TRIO: variants seen among roughly 807,000 people sequenced by gnomAD.
TRIO encodes the protein triple functional domain protein.
TRIO carries 58 observed loss-of-function variants against 351.9 expected under a neutral mutation model. That is an observed-to-expected ratio of 0.16 (90% CI 0.13 to 0.21). The LOEUF is 0.21. TRIO is among the 10% of genes least tolerant of loss of function. The pLI is 1.00. For missense variants in TRIO, 3,201 were observed against 4,027.8 expected (o/e 0.79, Z 5.56); for synonymous variants, 1,758 against 1,595.7 (o/e 1.10, Z -2.42).
At chr5:14,266,771 T>C (rs1795703623) in intron 1 of TRIO, among the ~76,000 whole-genome samples, 1 of 152,242 alleles carries the variant, frequency 6.6e-6, no homozygotes, top group South Asian at 2.1e-4. Context: ...AACTATAAAA[T>C]CTGATTTTTT....
intron 23 of TRIO, 53 bp from the exon 24 acceptor site, chr5:14,388,560 A>G: frequency 1.3e-6 from 2 of 1,517,002 alleles, no homozygotes; most frequent in Non-Finnish European, 1.8e-6. Flanking sequence ...AAAAGTAGAT[A>G]GTGAAGTAAG....
chr5:14,461,362 T>C (rs768195274), intron 35 of TRIO, 51 bp downstream of exon 35: 1 of 1,454,930 alleles, frequency 6.9e-7, no homozygotes, highest in East Asian at 2.4e-5. Context: ...CCGCTGGGCT[T>C]TTGCTGCAAG....
intron 9 of TRIO, among the ~76,000 whole-genome samples, chr5:14,330,009 G>A (rs531785844): frequency 2.0e-5 from 3 of 152,280 alleles, no homozygotes; most frequent in African/African-American, 7.2e-5. Flanking sequence ...ACATAAAAGT[G>A]GACCTGTGTA....
At chr5:14,248,185 G>C (rs1163250667) in intron 1 of TRIO, among the ~76,000 whole-genome samples, 1 of 152,146 alleles carries the variant, frequency 6.6e-6, no homozygotes. Context: ...GGAAATCATA[G>C]AGTTAGAACT....
At chr5:14,304,070 A>G (rs1158911838) in intron 7 of TRIO, among the ~76,000 whole-genome samples, 1 of 152,204 alleles carries the variant, frequency 6.6e-6, no homozygotes, top group Non-Finnish European at 1.5e-5. Context: ...GTTAAGGGGC[A>G]CGTGGAGGAG....
chr5:14,209,807 T>C (rs1424636287), intron 1 of TRIO, among the ~76,000 whole-genome samples: 2 of 152,264 alleles, frequency 1.3e-5, no homozygotes, highest in Non-Finnish European at 2.9e-5. Flanking sequence ...CAAGGCAGTA[T>C]TTTTAAATTG....
At chr5:14,246,256 T>G (rs2152241471) in intron 1 of TRIO, among the ~76,000 whole-genome samples, 1 of 152,240 alleles carries the variant, frequency 6.6e-6, no homozygotes, top group East Asian at 1.9e-4. Flanking sequence ...TACTTCATTT[T>G]TCTTAAATTT....
At chr5:14,342,485 A>T (rs1742028919) in intron 11 of TRIO, among the ~76,000 whole-genome samples, 1 of 152,202 alleles carries the variant, frequency 6.6e-6, no homozygotes, top group South Asian at 2.1e-4. Context: ...GTCACTAAAC[A>T]GGCCTCACTT....
intron 1 of TRIO, among the ~76,000 whole-genome samples, chr5:14,205,134 A>T (rs1366920149): frequency 6.6e-6 from 1 of 152,330 alleles, no homozygotes; most frequent in East Asian, 1.9e-4. Flanking sequence ...TAAATCATTA[A>T]CTATTGCCCG....
chr5:14,246,394 C>T (rs182203801), intron 1 of TRIO, among the ~76,000 whole-genome samples: 1 of 152,338 alleles, frequency 6.6e-6, no homozygotes, highest in East Asian at 1.9e-4. Flanking sequence ...AATAAAGTCA[C>T]ATAACCTCTT....
At chr5:14,207,389 TAC>T (rs70964544) in intron 1 of TRIO, among the ~76,000 whole-genome samples, 547 of 11,574 alleles carry the variant, frequency 0.047, 60 homozygotes, top group Middle Eastern at 0.083. Context: ...CAAGACTGTC[TAC>T]ACACACACAC....
At chr5:14,228,492 C>T (rs577185881) in intron 1 of TRIO, among the ~76,000 whole-genome samples, 4 of 152,296 alleles carry the variant, frequency 2.6e-5, no homozygotes, top group East Asian at 1.9e-4. Flanking sequence ...ATTTCCTGGG[C>T]GCAAAAGCTG....
intron 1 of TRIO, among the ~76,000 whole-genome samples, chr5:14,173,922 G>A (rs751214987): frequency 2.6e-5 from 4 of 152,208 alleles, no homozygotes; most frequent in Non-Finnish European, 2.9e-5. Context: ...TGTATGTCTT[G>A]GCTGTTCTCT....
At chr5:14,414,372 G>A (rs1443443437) in intron 33 of TRIO, among the ~76,000 whole-genome samples, 1 of 152,182 alleles carries the variant, frequency 6.6e-6, no homozygotes, top group Non-Finnish European at 1.5e-5. Flanking sequence ...ACCCTTTTTA[G>A]TTGTATCTTT....
chr5:14,383,010 G>A (rs1158623260), intron 21 of TRIO, among the ~76,000 whole-genome samples: 1 of 152,114 alleles, frequency 6.6e-6, no homozygotes, highest in Non-Finnish European at 1.5e-5. Context: ...GAATGCAGTG[G>A]CACCATAATG....
chr5:14,172,938 G>A lies in TRIO; in HGVS notation c.157+29056G>A, dbSNP rs1369560255. ...GGCTGTGAAAGATCAGCGGTGGAGC[G>A]AATAGTCACTCAAGCCTGCAACTTA... is the stretch of plus-strand genomic sequence containing the variant. On this transcript the variant is annotated intron_variant, in intron 1 of 56. Coordinates refer to ENST00000344204, the MANE Select transcript of TRIO (RefSeq NM_007118.4). Among the ~76,000 whole-genome samples the A allele has an allele frequency of 2.0e-5, 3 of 152,172 alleles. No homozygotes were observed. In the East Asian group the frequency reaches 5.8e-4, roughly 29 times the overall value.
chr5:14,481,507 T>C, intron 44 of TRIO, 34 bp from the exon 45 acceptor site: 1 of 1,612,132 alleles, frequency 6.2e-7, no homozygotes, highest in East Asian at 2.2e-5. Context: ...CTAGAGGAAC[T>C]TGAGCTTTCA....
chr5:14,187,251 A>G (rs1790178659), intron 1 of TRIO, among the ~76,000 whole-genome samples: 2 of 152,248 alleles, frequency 1.3e-5, no homozygotes, highest in African/African-American at 4.8e-5. Flanking sequence ...AGTATATAGC[A>G]TTAACAAGGA....
intron 45 of TRIO, chr5:14,482,364 C>T (rs899565099): frequency 2.0e-5 from 7 of 344,270 alleles, no homozygotes; most frequent in South Asian, 1.3e-4. Flanking sequence ...GTAATTGAGG[C>T]GCCAGAGGTC....
Sources: allele counts gnomAD v4.1 joint callset (sites outside exome capture counted in the v4.1 genomes callset), GRCh38; gene constraint gnomAD v4.1.1; transcripts MANE v1.5; gene names NCBI Gene and HGNC (gene_info 2026-07-23, HGNC 2026-07-21).